ARHGAP44: variants seen among roughly 807,000 people sequenced by gnomAD.
ARHGAP44 encodes Rho GTPase activating protein 44.
Under a neutral mutation model 106.8 loss-of-function variants are expected in ARHGAP44, and 43 were observed. That is an observed-to-expected ratio of 0.40 (90% CI 0.32 to 0.52). ARHGAP44 has a LOEUF of 0.52. Ranked by LOEUF, ARHGAP44 falls within the 20% of genes least tolerant of loss-of-function variation. ARHGAP44 has a pLI of 0.48. For missense variants in ARHGAP44, 866 were observed against 1,050.5 expected (o/e 0.82, Z 2.43); for synonymous variants, 439 against 410.3 (o/e 1.07, Z -0.85).
chr17:12,949,805 T>TGTAACCTATGATCTCGCAACC lies in ARHGAP44; in HGVS notation c.1055+76_1055+96dup, dbSNP rs2038949514. On this transcript the variant is annotated intron_variant, in intron 12 of 20. Transcript: ENST00000379672. This position sits in a 1 kb window ranked among gnomAD's most constrained non-coding sequence, Gnocchi z 4.1. The stretch of plus-strand genomic sequence containing the variant: ...AGTATGTGCTGAAATTATAGAAGCA[T>TGTAACCTATGATCTCGCAACC]GTAACCTATGATCTCGCAACCCCGT... The TGTAACCTATGATCTCGCAACC allele has an allele frequency of 6.2e-6, 9 of 1,441,678 alleles. No homozygotes were observed. The highest frequency in any genetic ancestry group is 8.7e-6 in the Non-Finnish European group (9 of 1,032,116). 89.3% of individuals were successfully genotyped at this position (1,441,678 alleles called of 1,614,324 possible). A position where few individuals can be genotyped will look rare whatever the true frequency, so the allele number is the denominator to read the frequency against.
intron 3 of ARHGAP44, among the ~76,000 whole-genome samples, chr17:12,905,840 A>G (rs2037530164): frequency 6.6e-6 from 1 of 152,220 alleles, no homozygotes; most frequent in Admixed American, 6.5e-5. Flanking sequence ...ATGTGAGCTC[A>G]TCAATACTAT....
At chr17:12,950,451 C>T (rs1257377846) in intron 12 of ARHGAP44, among the ~76,000 whole-genome samples, 1 of 152,170 alleles carries the variant, frequency 6.6e-6, no homozygotes, top group Non-Finnish European at 1.5e-5. Context: ...AAGAGTACAG[C>T]TGCATGGAGC....
In ARHGAP44 at chr17:12,974,222, C is replaced by CCGCTG; in HGVS notation, c.1677_1681dup (p.Pro561ArgfsTer134). On this transcript the variant is annotated frameshift_variant, in exon 18 of 21. Coordinates refer to ENST00000379672, the MANE Select transcript of ARHGAP44 (RefSeq NM_014859.6). LOFTEE classifies it high-confidence loss of function. ...CGAGCTGGCTGCGCCCCTGCCTTCG[C>CCGCTG]CGCTGCCGGAGCAGCCCCTGGACAG... The CCGCTG allele has an allele frequency of 6.5e-7, 1 of 1,546,398 alleles. No individual in the cohort carries two copies. Among genetic ancestry groups the CCGCTG allele is most frequent in the Non-Finnish European group, 8.7e-7 (1 of 1,145,614 alleles).
chr17:12,805,041 T>C (rs2034231432), intron 1 of ARHGAP44, among the ~76,000 whole-genome samples: 1 of 152,134 alleles, frequency 6.6e-6, no homozygotes. Context: ...GCCACTGAAA[T>C]AGAGGTGGTA....
In ARHGAP44 at chr17:12,789,519, G is replaced by A. The variant is rs987667624; in HGVS notation, c.-320G>A. ...GGCCAGCCAGCCTGCGGAGACTCCC[G>A]GGTCCCCGCGCCGGACTGGGACTGG... On this transcript the variant is annotated 5_prime_UTR_variant, in exon 1 of 21. Transcript: ENST00000379672. 112 of 186,470 alleles carry A rather than the reference G, an allele frequency of 6.0e-4. No homozygotes were observed. The highest frequency in any genetic ancestry group is 2.4e-3 in the African/African-American group (104 of 42,596). The allele number at this position is 186,470 out of a possible 1,614,324, so 11.6% of individuals were successfully genotyped here.
At chr17:12,889,523 A>T (rs980714992) in intron 1 of ARHGAP44, among the ~76,000 whole-genome samples, 5 of 152,300 alleles carry the variant, frequency 3.3e-5, no homozygotes, top group African/African-American at 1.2e-4. Context: ...TTCCCATTAG[A>T]TCCCACTTCT....
chr17:12,822,780 T>C (rs17548714), intron 1 of ARHGAP44, among the ~76,000 whole-genome samples: 2,819 of 152,244 alleles, frequency 0.019, 51 homozygotes, highest in Non-Finnish European at 0.026. Context: ...CCAATGCACA[T>C]GTCTGACTCT....
intron 7 of ARHGAP44, among the ~76,000 whole-genome samples, chr17:12,933,648 A>G (rs972259272): frequency 3.3e-5 from 5 of 152,202 alleles, no homozygotes; most frequent in African/African-American, 1.2e-4. Flanking sequence ...AGAGGAGAGA[A>G]AGTGAAGAAG....
intron 1 of ARHGAP44, among the ~76,000 whole-genome samples, chr17:12,793,976 C>G (rs958887218): frequency 6.6e-6 from 1 of 152,058 alleles, no homozygotes; most frequent in African/African-American, 2.4e-5. Context: ...CTCCTGATAC[C>G]ATGTTTCTTT....
At chr17:12,987,242 G>GT in intron 20 of ARHGAP44, 2 of 1,186,702 alleles carry the variant, frequency 1.7e-6, no homozygotes, top group South Asian at 1.5e-5. Context: ...TCTGCATGTG[G>GT]CTCAGACCAT....
chr17:12,924,936 G>GT (rs1215873280), intron 6 of ARHGAP44, among the ~76,000 whole-genome samples: 1 of 152,164 alleles, frequency 6.6e-6, no homozygotes, highest in Non-Finnish European at 1.5e-5. Flanking sequence ...GTGAACTAGT[G>GT]TAAGTAAGAC....
intron 1 of ARHGAP44, among the ~76,000 whole-genome samples, chr17:12,876,558 G>A (rs1273881865): frequency 6.6e-6 from 1 of 152,134 alleles, no homozygotes; most frequent in Non-Finnish European, 1.5e-5. Context: ...AGGAATATTA[G>A]GAGGAATGTC....
intron 1 of ARHGAP44, among the ~76,000 whole-genome samples, chr17:12,886,279 T>G (rs73294274): frequency 0.025 from 3,856 of 152,300 alleles, 161 homozygotes; most frequent in African/African-American, 0.088. Flanking sequence ...ATGTGAGTCC[T>G]GCTTTTCTTT....
intron 1 of ARHGAP44, among the ~76,000 whole-genome samples, chr17:12,868,456 A>G (rs2036296784): frequency 6.6e-6 from 1 of 151,666 alleles, no homozygotes; most frequent in South Asian, 2.1e-4. Context: ...CAAAACCACC[A>G]TATCCATTAT....
chr17:12,964,507 G>A (rs1162068959), intron 16 of ARHGAP44, among the ~76,000 whole-genome samples: 1 of 152,182 alleles, frequency 6.6e-6, no homozygotes, highest in East Asian at 1.9e-4. Context: ...CAGGCTGGGC[G>A]CAGTGGCTCA....
rs373635053 is a variant in ARHGAP44, at chr17:12,963,332, G to T, written c.1523+4435G>T. Among the ~76,000 whole-genome samples the T allele has an allele frequency of 1.9e-4, 29 of 152,052 alleles. No homozygotes were observed. The East Asian group carries it at 4.4e-3, about 23-fold the overall frequency. ...AGGCCAGGTCAGAAGAAGCCTTGTA[G>T]ATTCTTCCTGGGTCTCTGGAGACAG... On this transcript the variant is annotated intron_variant, in intron 16 of 20. Coordinates refer to ENST00000379672, the MANE Select transcript of ARHGAP44 (RefSeq NM_014859.6).
Position 12,955,902 on chromosome 17 carries a change from A to T in ARHGAP44, c.1172A>T (p.Tyr391Phe). ...LIKFLSKLSE[Y>F]QDVNKMTPSN... ...AAATTTTTATCCAAGCTGTCAGAAT[A>T]TCAAGATGTAAACAAGATGACTCCC... The change falls in exon 14 of 21, where the codon TAT (tyrosine) becomes TTT (phenylalanine). Residue 391 changes from tyrosine to phenylalanine, a missense_variant. Coordinates refer to ENST00000379672, the MANE Select transcript of ARHGAP44 (RefSeq NM_014859.6). The T allele has an allele frequency of 6.2e-7, 1 of 1,613,570 alleles. No individual in the cohort carries two copies. Among genetic ancestry groups the T allele is most frequent in the South Asian group, 1.1e-5 (1 of 91,048 alleles).
intron 1 of ARHGAP44, among the ~76,000 whole-genome samples, chr17:12,880,016 A>G (rs561314975): frequency 7.2e-4 from 110 of 152,114 alleles, no homozygotes; most frequent in African/African-American, 2.6e-3. Context: ...GTGGAAGAAA[A>G]TCCATCTATA....
intron 7 of ARHGAP44, among the ~76,000 whole-genome samples, chr17:12,940,648 A>C (rs2150980300): frequency 6.6e-6 from 1 of 152,312 alleles, no homozygotes; most frequent in African/African-American, 2.4e-5. Context: ...ATTGAGAATG[A>C]AGGGAAGCAG....
Sources: allele counts gnomAD v4.1 joint callset (sites outside exome capture counted in the v4.1 genomes callset), GRCh38; gene constraint gnomAD v4.1.1; non-coding constraint Gnocchi (gnomAD v3.1); transcripts MANE v1.5; gene names NCBI Gene and HGNC (gene_info 2026-07-23, HGNC 2026-07-21).